The following SMYD3 variants were observed in gnomAD, a reference collection of about 807,000 sequenced individuals.
The protein encoded by SMYD3 is histone-lysine N-methyltransferase SMYD3.
SMYD3 carries 36 observed loss-of-function variants against 57.7 expected under a neutral mutation model. That is an observed-to-expected ratio of 0.62 (90% CI 0.48 to 0.82). SMYD3 has a LOEUF of 0.82. Among genes scored for constraint, SMYD3 ranks in the 40% least tolerant of loss-of-function variants. The pLI, the probability that SMYD3 is intolerant of heterozygous loss-of-function variation, is 0.00. For missense variants in SMYD3, 515 were observed against 538.8 expected (o/e 0.96, Z 0.44); for synonymous variants, 211 against 195.0 (o/e 1.08, Z -0.68).
chr1:246,286,558 C>T (rs933846483), intron 5 of SMYD3, among the ~76,000 whole-genome samples: 4 of 152,170 alleles, frequency 2.6e-5, no homozygotes, highest in Admixed American at 2.6e-4. Context: ...TAGTTTTCTA[C>T]AGACTCCCTG....
chr1:245,994,676 TA>T (rs2058887342), intron 5 of SMYD3, among the ~76,000 whole-genome samples: 1 of 152,218 alleles, frequency 6.6e-6, no homozygotes, highest in African/African-American at 2.4e-5. Flanking sequence ...AATGACTTTT[TA>T]TGCCTTAGTT....
chr1:246,403,492 T>A (rs2066808369), intron 1 of SMYD3, among the ~76,000 whole-genome samples: 2 of 152,332 alleles, frequency 1.3e-5, no homozygotes, highest in South Asian at 4.1e-4. Flanking sequence ...TTTCCTTCTT[T>A]ACTCCCTGTT....
intron 10 of SMYD3, among the ~76,000 whole-genome samples, chr1:245,772,744 C>T (rs2148096479): frequency 6.6e-6 from 1 of 152,148 alleles, no homozygotes; most frequent in African/African-American, 2.4e-5. Context: ...GCACATGATC[C>T]ATTATTAGAA....
chr1:246,476,514 G>A (rs754604903), intron 1 of SMYD3, among the ~76,000 whole-genome samples: 4 of 152,172 alleles, frequency 2.6e-5, no homozygotes, highest in African/African-American at 4.8e-5. Flanking sequence ...TGTATTTTAA[G>A]TAACAAGACT....
intron 1 of SMYD3, among the ~76,000 whole-genome samples, chr1:246,447,746 C>T (rs540703027): frequency 6.6e-6 from 1 of 152,284 alleles, no homozygotes; most frequent in African/African-American, 2.4e-5. Flanking sequence ...TTAGAAGCAG[C>T]CCCATCTCCT....
intron 5 of SMYD3, among the ~76,000 whole-genome samples, chr1:246,187,872 G>A (rs997230481): frequency 3.3e-5 from 5 of 151,786 alleles, no homozygotes; most frequent in Non-Finnish European, 7.4e-5. Flanking sequence ...ACTTGTTGAC[G>A]GAAATATTAC....
chr1:246,027,480 C>G (rs1403610670), intron 5 of SMYD3, among the ~76,000 whole-genome samples: 2 of 152,124 alleles, frequency 1.3e-5, no homozygotes, highest in African/African-American at 4.8e-5. Flanking sequence ...TGTTCATTTA[C>G]CATTTAAAAA....
At chr1:246,367,577 C>G (rs758244520) in intron 1 of SMYD3, among the ~76,000 whole-genome samples, 1 of 152,044 alleles carries the variant, frequency 6.6e-6, no homozygotes, top group Non-Finnish European at 1.5e-5. Context: ...GGATTACAGG[C>G]GTGCACAAAC....
At chr1:245,971,644 C>T (rs1420641390) in intron 5 of SMYD3, among the ~76,000 whole-genome samples, 1 of 152,136 alleles carries the variant, frequency 6.6e-6, no homozygotes, top group Non-Finnish European at 1.5e-5. Context: ...CCTTGAAGGC[C>T]GCAGGGACTC....
In SMYD3 at chr1:246,487,277, TCTCTAC is replaced by T. The variant is rs2068202943; in HGVS notation, c.164+19771_164+19776del. On this transcript the variant is annotated intron_variant, in intron 1 of 11. Coordinates refer to ENST00000490107, the MANE Select transcript of SMYD3 (RefSeq NM_001167740.2). ...GCCTGGCCAATATAGCCAAACCCCA[TCTCTAC>T]TTAAAATACAAAAATTAGCCAGGCA... Among the ~76,000 whole-genome samples the T allele has an allele frequency of 1.4e-4, 22 of 152,068 alleles. No homozygotes were observed. The South Asian group carries it at 4.6e-3, about 32-fold the overall frequency.
At chr1:246,461,311 T>C (rs553463705) in intron 1 of SMYD3, among the ~76,000 whole-genome samples, 4 of 152,302 alleles carry the variant, frequency 2.6e-5, no homozygotes, top group South Asian at 4.1e-4. Context: ...ACAAGAATAT[T>C]TCCTAAATAC....
chr1:246,157,883 AT>A (rs2062047291), intron 5 of SMYD3, among the ~76,000 whole-genome samples: 1 of 152,212 alleles, frequency 6.6e-6, no homozygotes, highest in Non-Finnish European at 1.5e-5. Flanking sequence ...GATGAGCTTC[AT>A]AAAGAAGTAT....
chr1:245,924,466 G>A (rs4654171), intron 7 of SMYD3, among the ~76,000 whole-genome samples: 150,250 of 152,274 alleles, frequency 0.99, 74,166 homozygotes, highest in Middle Eastern at 1. Context: ...AACATGGGGT[G>A]AGAAATTTCC....
At chr1:245,803,975 A>G (rs1005686057) in intron 10 of SMYD3, among the ~76,000 whole-genome samples, 19 of 146,938 alleles carry the variant, frequency 1.3e-4, no homozygotes, top group Admixed American at 8.4e-4. Flanking sequence ...GTGGAGTGGC[A>G]CAATCTCGGC....
chr1:246,336,424 T>C (rs917632948), intron 2 of SMYD3, among the ~76,000 whole-genome samples: 5 of 152,198 alleles, frequency 3.3e-5, no homozygotes, highest in African/African-American at 1.2e-4. Flanking sequence ...TTTCAAAAAT[T>C]ATAAATCTGC....
chr1:246,155,575 A>G (rs1050642422), intron 5 of SMYD3, among the ~76,000 whole-genome samples: 1 of 152,242 alleles, frequency 6.6e-6, no homozygotes. Flanking sequence ...AGGAAATACA[A>G]TCATTCACTT....
chr1:246,327,782 G>T (rs151157227), intron 4 of SMYD3, among the ~76,000 whole-genome samples: 28 of 152,086 alleles, frequency 1.8e-4, no homozygotes, highest in African/African-American at 5.6e-4. Context: ...CAGAAAATAA[G>T]AACTAAAAAG....
chr1:245,993,362 G>A (rs1267634052), intron 5 of SMYD3, among the ~76,000 whole-genome samples: 1 of 152,112 alleles, frequency 6.6e-6, no homozygotes, highest in Non-Finnish European at 1.5e-5. Flanking sequence ...AGAGGGTATG[G>A]AAATGATGCA....
intron 5 of SMYD3, among the ~76,000 whole-genome samples, chr1:246,276,226 T>C (rs1372981589): frequency 8.1e-6 from 1 of 122,850 alleles, no homozygotes; most frequent in Non-Finnish European, 1.7e-5. Context: ...TTATTTAATG[T>C]TTCTAGTGGA....
Sources: gnomAD v4.1 joint callset for allele counts (sites outside exome capture counted in the v4.1 genomes callset) on GRCh38, gnomAD v4.1.1 for gene constraint, MANE v1.5 for transcripts, NCBI Gene and HGNC (gene_info 2026-07-23, HGNC 2026-07-21) for gene names.